Variants in TIMELESS observed in about 807,000 individuals in gnomAD.
TIMELESS encodes protein timeless homolog.
TIMELESS carries 124 observed loss-of-function variants against 164.3 expected under a neutral mutation model. That is an observed-to-expected ratio of 0.75 (90% CI 0.65 to 0.88). The LOEUF (loss-of-function observed/expected upper bound fraction) is 0.88. Among genes scored for constraint, TIMELESS ranks in the 40% least tolerant of loss-of-function variants. TIMELESS has a pLI of 0.00. For missense variants in TIMELESS, 1,422 were observed against 1,491.4 expected, an observed-to-expected ratio of 0.95 and a Z score of 0.77; for synonymous variants, 564 against 563.4, an observed-to-expected ratio of 1.00 and a Z score of -0.02.
At chr12:56,423,112 T>C in intron 18 of TIMELESS, 120 bp from the exon 19 acceptor site, 1 of 1,421,578 alleles carries the variant, frequency 7.0e-7, no homozygotes. Context: ...CTCTCTTCTG[T>C]CCTTCTCCAT....
chr12:56,423,547 G>C, intron 17 of TIMELESS, 37 bp downstream of exon 17: 1 of 1,612,688 alleles, frequency 6.2e-7, no homozygotes, highest in Non-Finnish European at 8.5e-7. Context: ...CCGCACAATC[G>C]CCACTCTAGG....
chr12:56,438,902 A>C (rs866827214), intron 1 of TIMELESS, among the ~76,000 whole-genome samples: 94 of 151,418 alleles, frequency 6.2e-4, no homozygotes, highest in Middle Eastern at 3.4e-3. Context: ...AGTGGCTCAC[A>C]CCTGTAATCC....
chr12:56,431,889 T>C (rs200320958), intron 7 of TIMELESS, among the ~76,000 whole-genome samples: 23 of 53,158 alleles, frequency 4.3e-4, no homozygotes, highest in African/African-American at 9.8e-4. Flanking sequence ...TTATAGAATG[T>C]ATATATGTGC....
intron 15 of TIMELESS, 100 bp from the exon 16 acceptor site, chr12:56,423,994 G>A: frequency 2.8e-6 from 3 of 1,085,266 alleles, no homozygotes; most frequent in Non-Finnish European, 4.0e-6. Flanking sequence ...TCTTTTGTTG[G>A]CCAGAAACAG....
intron 2 of TIMELESS, 39 bp downstream of exon 2, chr12:56,434,034 CA>C (rs779472589): frequency 1.2e-6 from 2 of 1,612,900 alleles, no homozygotes; most frequent in South Asian, 1.1e-5. Flanking sequence ...CTCCTTAATT[CA>C]AGCCAATTTT....
intron 19 of TIMELESS, 85 bp from the exon 20 acceptor site, chr12:56,422,276 A>T: frequency 7.9e-7 from 1 of 1,264,610 alleles, no homozygotes; most frequent in South Asian, 1.2e-5. Context: ...AGTTCTGAAA[A>T]GAACAGGAAG....
At chr12:56,418,067 C>CT in intron 27 of TIMELESS, 59 bp from the exon 28 acceptor site, 1 of 1,613,216 alleles carries the variant, frequency 6.2e-7, no homozygotes. Context: ...CTCAGAACAC[C>CT]TTTCCTGCCC....
chr12:56,430,043 A>T (rs1881819058), intron 10 of TIMELESS, 62 bp downstream of exon 10: 2 of 1,513,878 alleles, frequency 1.3e-6, no homozygotes, highest in Non-Finnish European at 1.8e-6. Flanking sequence ...ACCCACCAAC[A>T]GCTGCATCAT....
chr12:56,438,930 A>C (rs1483816207), intron 1 of TIMELESS, among the ~76,000 whole-genome samples: 1 of 151,394 alleles, frequency 6.6e-6, no homozygotes, highest in Non-Finnish European at 1.5e-5. Context: ...TTTGGAGGCC[A>C]AGGTGGGCAG....
chr12:56,428,764 C>A, intron 11 of TIMELESS, 112 bp from the exon 12 acceptor site: 1 of 1,470,916 alleles, frequency 6.8e-7, no homozygotes, highest in African/African-American at 1.4e-5. Flanking sequence ...CTAAATTTCC[C>A]AGCCAGTCCT....
At position 56,432,488 on chromosome 12, in the gene TIMELESS, G is replaced by A; in HGVS notation, c.568C>T (p.Leu190Phe). The change falls in exon 7 of 29, where the codon CTC (leucine) becomes TTC (phenylalanine). Residue 190 changes from leucine to phenylalanine, a missense_variant. Leu to Phe is a conservative substitution (Grantham distance 22). Coordinates refer to ENST00000553532, the MANE Select transcript of TIMELESS (RefSeq NM_003920.5). ...DDDASAHDQL[L>F]WAIHLSGLDD... is the part of the protein sequence containing the mutation. Reference sequence around the variant, plus strand: ...AGGCCGCTGAGGTGAATCGCCCAGAGGAGCTGGTCATGGGCACTGGCGTCA... The same window carrying A: ...AGGCCGCTGAGGTGAATCGCCCAGAAGAGCTGGTCATGGGCACTGGCGTCA... The A allele has an allele frequency of 1.2e-6, 2 of 1,614,166 alleles. No homozygotes were observed. Among genetic ancestry groups the A allele is most frequent in the Admixed American group, 1.7e-5 (1 of 60,022 alleles).
At chr12:56,429,348 G>A (rs563312742) in intron 10 of TIMELESS, among the ~76,000 whole-genome samples, 35 of 151,484 alleles carry the variant, frequency 2.3e-4, no homozygotes, top group Middle Eastern at 3.4e-3. Flanking sequence ...ATAGGTGCCC[G>A]CCACCACGCC....
intron 1 of TIMELESS, among the ~76,000 whole-genome samples, chr12:56,440,341 A>G (rs756904007): frequency 3.9e-4 from 60 of 152,030 alleles, no homozygotes; most frequent in Middle Eastern, 3.4e-3. Flanking sequence ...GTTTCACCAT[A>G]TTGGCCAGGC....
At chr12:56,425,548 A>C (rs1177668582) in intron 13 of TIMELESS, among the ~76,000 whole-genome samples, 1 of 152,240 alleles carries the variant, frequency 6.6e-6, no homozygotes, top group Non-Finnish European at 1.5e-5. Context: ...AATGCAAAGC[A>C]CTATGTAAAT....
Position 56,424,625 on chromosome 12 carries a change from C to T in TIMELESS, c.1868+137G>A, listed in dbSNP as rs17118590. The T allele has an allele frequency of 0.011, 10,522 of 994,704 alleles. 765 individuals are homozygous for T. In the African/African-American group the frequency reaches 0.15, roughly 15 times the overall value. The allele number at this position is 994,704 out of a possible 1,614,324, so 61.6% of individuals were successfully genotyped here. A position where few individuals can be genotyped will look rare whatever the true frequency, so the allele number is the denominator to read the frequency against. ...AAAAAACCCAACAAACCAATCAAAA[C>T]GCCCCAGGAGTCAGTTGGTATACAG... On this transcript the variant is annotated intron_variant, in intron 15 of 28. Coordinates refer to ENST00000553532, the MANE Select transcript of TIMELESS (RefSeq NM_003920.5).
chr12:56,434,320 C>T, intron 1 of TIMELESS, 89 bp from the exon 2 acceptor site: 1 of 651,904 alleles, frequency 1.5e-6, no homozygotes, highest in Non-Finnish European at 2.7e-6. Flanking sequence ...TCAGAATATT[C>T]TGAACAAGAT....
intron 1 of TIMELESS, among the ~76,000 whole-genome samples, chr12:56,441,085 T>G (rs1184446239): frequency 6.6e-6 from 1 of 152,316 alleles, no homozygotes; most frequent in East Asian, 1.9e-4. Flanking sequence ...CCCAAAGTGC[T>G]GGGATTACGG....
In TIMELESS at chr12:56,425,107, G is replaced by C. The variant is rs1881635139; in HGVS notation, c.1624C>G (p.Gln542Glu). 6.2e-7 allele frequency: 1 copy of C among 1,613,918 alleles called. No homozygotes were observed. Among genetic ancestry groups the C allele is most frequent in the Admixed American group, 1.7e-5 (1 of 60,000 alleles). The change falls in exon 14 of 29, where the codon CAG (glutamine) becomes GAG (glutamate). Residue 542 changes from glutamine (Q) to glutamate (E), a missense_variant. Coordinates refer to ENST00000553532, the MANE Select transcript of TIMELESS (RefSeq NM_003920.5). Reference protein sequence around the residue: ...RRKKKKKVLDQAIVSGNVPSS... With the variant: ...RRKKKKKVLDEAIVSGNVPSS... ...GGGACATTACCAGAAACAATGGCCT[G>C]GTCTAGGACCTTCTTCTTCTTCTTC...
intron 1 of TIMELESS, among the ~76,000 whole-genome samples, chr12:56,442,266 C>T (rs990993048): frequency 1.3e-5 from 2 of 152,078 alleles, no homozygotes; most frequent in Non-Finnish European, 2.9e-5. Flanking sequence ...ATGATTAGAA[C>T]TGGGCCTTTG....
Sources: gnomAD v4.1 joint callset for allele counts (sites outside exome capture counted in the v4.1 genomes callset) on GRCh38, gnomAD v4.1.1 for gene constraint, MANE v1.5 for transcripts, NCBI Gene and HGNC (gene_info 2026-07-23, HGNC 2026-07-21) for gene names.